The following SPTBN1 variants were observed in gnomAD, a reference collection of about 807,000 sequenced individuals.
SPTBN1 encodes the protein spectrin beta chain, non-erythrocytic 1.
A neutral mutation model predicts 266.4 loss-of-function variants in SPTBN1; 32 were observed. The ratio of observed to expected loss-of-function variants is 0.12; its 90% CI spans 0.09 to 0.16. SPTBN1 has a LOEUF of 0.16. Among genes scored for constraint, SPTBN1 ranks in the 10% least tolerant of loss-of-function variants. The probability of loss-of-function intolerance (pLI) is 1.00; values close to 1 mark genes in which losing one functional copy is unlikely to be tolerated. For missense variants in SPTBN1, 2,296 were observed against 3,067.1 expected (o/e 0.75, Z 5.94); for synonymous variants, 1,336 against 1,162.2 (o/e 1.15, Z -3.04).
At chr2:54,609,981 C>G (rs1677102449) in intron 3 of SPTBN1, among the ~76,000 whole-genome samples, 1 of 151,148 alleles carries the variant, frequency 6.6e-6, no homozygotes, top group Non-Finnish European at 1.5e-5. Context: ...CCCTTTATGC[C>G]TTAAGTCCTG....
chr2:54,474,142 T>C (rs1232587130), intron 1 of SPTBN1, among the ~76,000 whole-genome samples: 7 of 152,238 alleles, frequency 4.6e-5, no homozygotes, highest in Non-Finnish European at 1.0e-4. Flanking sequence ...TTTAGATGTT[T>C]CTACAGCTGT....
At chr2:54,616,063 C>A (rs3796013) in intron 4 of SPTBN1, 144 bp from the exon 5 acceptor site, 82,252 of 569,624 alleles carry the variant, frequency 0.14, 6,481 homozygotes, top group Middle Eastern at 0.23. Flanking sequence ...CTTCAGGAAG[C>A]AGTTTTCATT....
intron 2 of SPTBN1, among the ~76,000 whole-genome samples, chr2:54,579,128 C>A (rs1363204198): frequency 6.6e-6 from 1 of 152,046 alleles, no homozygotes; most frequent in East Asian, 1.9e-4. Flanking sequence ...ATTATATATT[C>A]CCATTTTGTT....
intron 1 of SPTBN1, among the ~76,000 whole-genome samples, chr2:54,474,723 A>C (rs13409277): frequency 0.04 from 6,075 of 152,306 alleles, 169 homozygotes; most frequent in South Asian, 0.075. Flanking sequence ...AAAAGGGATA[A>C]GGAAATACTA....
rs866651487 is a variant in SPTBN1 at position 54,653,834 on chromosome 2, G to A, written c.5803G>A (p.Glu1935Lys). 9 of 1,611,982 alleles carry A rather than the reference G, an allele frequency of 5.6e-6. No individual in the cohort carries two copies. The South Asian group carries it at 7.7e-5, about 14-fold the overall frequency. The change falls in exon 27 of 36, where the codon GAG becomes AAG. Residue 1935 changes from glutamate (E) to lysine (K), a missense_variant. By Grantham distance (56) the Glu-to-Lys change is moderately conservative. Coordinates refer to ENST00000356805, the MANE Select transcript of SPTBN1 (RefSeq NM_003128.3). This position sits in a 1 kb window ranked among gnomAD's most constrained non-coding sequence, Gnocchi z 5.1. ...GATGGAGGATGTCATCCGGCAGATC[G>A]AGGCCCAGGAGAAGCCAAGGTAACG... The part of the protein sequence containing the change: ...LWMEDVIRQI[E>K]AQEKPRDVSS...
rs368040571 is a variant in SPTBN1 at position 54,631,605 on chromosome 2, C to T, written c.3558C>T (p.Asn1186=). 36 of 1,609,648 alleles carry T rather than the reference C, an allele frequency of 2.2e-5. No homozygotes were observed. The highest frequency in any genetic ancestry group is 3.1e-5 in the Non-Finnish European group (36 of 1,177,860). ...CGAAGCAAGCCGAAGCCTTTCTTAA[C>T]AACCAGGTAAGGTTTGTTCCTGCCT... ...RDTKQAEAFL[N]NQEYVLAHTE... Residue 1186 remains asparagine (N), a synonymous_variant, in exon 16 of 36, where the codon AAC becomes AAT. Coordinates refer to ENST00000356805, the MANE Select transcript of SPTBN1 (RefSeq NM_003128.3).
At position 54,644,352 on chromosome 2, in the gene SPTBN1, T is replaced by A. The variant is rs564790044; in HGVS notation, c.4035T>A (p.Pro1345=). The change falls in exon 20 of 36, where the codon CCT becomes CCA. Residue 1345 remains proline, a synonymous_variant. Transcript: ENST00000356805. ...GAATGCAGCTCATTTCAGAAAAGCC[T>A]GAGACGGAAGCTGTGGTGAAGGAGA... The part of the protein sequence containing the change: ...KEGMQLISEK[P]ETEAVVKEKL... 4.3e-6 allele frequency: 7 copies of A among 1,612,618 alleles called. No homozygotes were observed. Among genetic ancestry groups the A allele is most frequent in the Middle Eastern group, 1.7e-4 (1 of 6,052 alleles).
chr2:54,646,043 C>G lies in SPTBN1; in HGVS notation c.4584+26C>G. The G allele has an allele frequency of 6.2e-7, 1 of 1,613,990 alleles. No homozygotes were observed. The highest frequency in any genetic ancestry group is 8.5e-7 in the Non-Finnish European group (1 of 1,179,900). ...GTAAGCCTTTCTGCTCGAGCTAGTT[C>G]TGTCTGATAAATAATTGCTCTAAAT... On this transcript the variant is annotated intron_variant, in intron 22 of 35. Transcript: ENST00000356805. The surrounding 1 kb of genome is among the most constrained non-coding windows in gnomAD (Gnocchi z 4.4).
chr2:54,637,606 C>A, intron 17 of SPTBN1, 107 bp from the exon 18 acceptor site: 1 of 889,676 alleles, frequency 1.1e-6, no homozygotes. Flanking sequence ...TGCAAGCAAA[C>A]TCTTTTTAGC....
intron 2 of SPTBN1, among the ~76,000 whole-genome samples, chr2:54,561,906 G>A (rs1259389296): frequency 6.7e-6 from 1 of 149,364 alleles, no homozygotes; most frequent in Admixed American, 6.7e-5. Flanking sequence ...TGAGATACAA[G>A]AGTGATGGCT....
intron 8 of SPTBN1, 70 bp downstream of exon 8, chr2:54,621,582 A>C: frequency 1.5e-6 from 2 of 1,330,116 alleles, no homozygotes; most frequent in Non-Finnish European, 2.2e-6. Flanking sequence ...TCTCCCATGC[A>C]CTCATAAAAT....
intron 1 of SPTBN1, among the ~76,000 whole-genome samples, chr2:54,498,110 G>A (rs899886264): frequency 3.9e-5 from 6 of 152,130 alleles, no homozygotes; most frequent in Admixed American, 3.3e-4. Flanking sequence ...TATTTCTTAG[G>A]TTGGGGATAC....
At chr2:54,484,394 G>A (rs915449765) in intron 1 of SPTBN1, among the ~76,000 whole-genome samples, 2 of 152,126 alleles carry the variant, frequency 1.3e-5, no homozygotes, top group African/African-American at 4.8e-5. Flanking sequence ...GTAAATTTTA[G>A]ACTTTTTGTT....
At chr2:54,640,531 A>T (rs1348658303) in intron 18 of SPTBN1, among the ~76,000 whole-genome samples, 1 of 152,120 alleles carries the variant, frequency 6.6e-6, no homozygotes, top group African/African-American at 2.4e-5. Context: ...AGAGACCATC[A>T]TCATCTTTGT....
chr2:54,504,404 G>A (rs1474898599), intron 1 of SPTBN1, among the ~76,000 whole-genome samples: 1 of 152,196 alleles, frequency 6.6e-6, no homozygotes, highest in Non-Finnish European at 1.5e-5. Context: ...AGCCTAAGCA[G>A]TACAGCTGGC....
intron 26 of SPTBN1, among the ~76,000 whole-genome samples, chr2:54,651,835 C>T (rs942484001): frequency 6.6e-6 from 1 of 152,102 alleles, no homozygotes; most frequent in African/African-American, 2.4e-5. Flanking sequence ...TCCAAAAATC[C>T]TTTAGGATAT....
chr2:54,642,442 G>T (rs1016189900), intron 18 of SPTBN1, among the ~76,000 whole-genome samples: 1 of 151,922 alleles, frequency 6.6e-6, no homozygotes, highest in Admixed American at 6.6e-5. Context: ...CATGATTGTT[G>T]CCTTAGCCCT....
intron 7 of SPTBN1, 52 bp from the exon 8 acceptor site, chr2:54,621,348 G>A (rs892117764): frequency 1.4e-6 from 2 of 1,386,616 alleles, no homozygotes; most frequent in Non-Finnish European, 2.0e-6. Flanking sequence ...TGCTACCTGG[G>A]TGGGGCACAG....
At chr2:54,647,586 C>A (rs1354376113) in intron 24 of SPTBN1, among the ~76,000 whole-genome samples, 1 of 152,166 alleles carries the variant, frequency 6.6e-6, no homozygotes, top group African/African-American at 2.4e-5. Flanking sequence ...CACTTGTAAT[C>A]CCAGCACTTT....
Sources: gnomAD v4.1 joint callset for allele counts (sites outside exome capture counted in the v4.1 genomes callset) on GRCh38, gnomAD v4.1.1 for gene constraint, Gnocchi (gnomAD v3.1) non-coding constraint, MANE v1.5 for transcripts, NCBI Gene and HGNC (gene_info 2026-07-23, HGNC 2026-07-21) for gene names.